The following SYT1 variants were observed in gnomAD, a reference collection of about 807,000 sequenced individuals.
SYT1 encodes the protein synaptotagmin-1.
SYT1 carries 8 observed loss-of-function variants against 44.8 expected under a neutral mutation model. That is an observed-to-expected ratio of 0.18 (90% CI 0.10 to 0.32). SYT1 has a LOEUF of 0.32. Ranked by LOEUF, SYT1 falls within the 10% of genes least tolerant of loss-of-function variation. The pLI, the probability that SYT1 is intolerant of heterozygous loss-of-function variation, is 1.00. For synonymous variants in SYT1, 154 were observed against 188.8 expected (o/e 0.82, Z 1.51); for missense variants, 286 against 509.3 (o/e 0.56, Z 4.22).
At chr12:79,002,478 A>G (rs1210853675) in intron 2 of SYT1, among the ~76,000 whole-genome samples, 1 of 151,816 alleles carries the variant, frequency 6.6e-6, no homozygotes, top group African/African-American at 2.4e-5. Flanking sequence ...ATGAAGGAAA[A>G]TTTTGCTTAA....
chr12:79,267,374 G>A (rs1335769776), intron 4 of SYT1, among the ~76,000 whole-genome samples: 1 of 152,150 alleles, frequency 6.6e-6, no homozygotes, highest in African/African-American at 2.4e-5. Context: ...CTTTGCCAAA[G>A]TTGGAAAACA....
rs182552594 is a variant in SYT1 at position 78,934,748 on chromosome 12, A to G, written c.-216-43051A>G. On this transcript the variant is annotated intron_variant, in intron 1 of 10. Transcript: ENST00000261205. ...CATTTTTTTGAAAAGATACACTGAAATTTACTACACAAATAAGTCAAGGCT... is the reference window on the plus strand; with the variant it reads ...CATTTTTTTGAAAAGATACACTGAAGTTTACTACACAAATAAGTCAAGGCT... Among the ~76,000 whole-genome samples, 200 of 152,316 alleles carry G rather than the reference A, an allele frequency of 1.3e-3. 2 individuals carry two copies. The highest frequency in any genetic ancestry group is 4.6e-3 in the African/African-American group (191 of 41,560).
Position 79,375,819 on chromosome 12 carries a change from G to A in SYT1, c.928+22200G>A, listed in dbSNP as rs146994817. 5.3e-5 allele frequency among the ~76,000 whole-genome samples: 8 copies of A among 152,036 alleles called. No individual in the cohort carries two copies. In the South Asian group the frequency reaches 1.7e-3, roughly 32 times the overall value. On this transcript the variant is annotated intron_variant, in intron 9 of 10. Transcript: ENST00000261205. The stretch of plus-strand genomic sequence containing the variant: ...TCCATATAAACCAGGTACCTAGCAG[G>A]GCGCCTGACTCAAAAGTACCTGATG...
intron 1 of SYT1, among the ~76,000 whole-genome samples, chr12:78,947,306 T>A (rs1280701955): frequency 6.6e-6 from 1 of 152,164 alleles, no homozygotes; most frequent in Non-Finnish European, 1.5e-5. Context: ...TGAAAATTTT[T>A]CACTGGCAAA....
chr12:79,351,903 T>G (rs532972701), intron 8 of SYT1, among the ~76,000 whole-genome samples: 1 of 152,182 alleles, frequency 6.6e-6, no homozygotes. Context: ...AATTTAATGA[T>G]GGATCCTGTC....
chr12:78,965,970 G>A (rs925324855), intron 1 of SYT1, among the ~76,000 whole-genome samples: 19 of 151,604 alleles, frequency 1.3e-4, no homozygotes, highest in African/African-American at 4.6e-4. Flanking sequence ...TCAGCTACTC[G>A]GGAGGCTGAG....
At chr12:78,899,709 A>G (rs975406041) in intron 1 of SYT1, among the ~76,000 whole-genome samples, 2 of 152,030 alleles carry the variant, frequency 1.3e-5, no homozygotes, top group Non-Finnish European at 2.9e-5. Flanking sequence ...CAAACTTAGC[A>G]TAATTGGATT....
chr12:78,914,497 T>G (rs1876531775), intron 1 of SYT1, among the ~76,000 whole-genome samples: 2 of 91,430 alleles, frequency 2.2e-5, no homozygotes, highest in African/African-American at 1.1e-4. Flanking sequence ...TTTGTATTGA[T>G]GCACATGTTA....
chr12:79,283,607 C>T (rs1341405194), intron 4 of SYT1, among the ~76,000 whole-genome samples: 3 of 152,018 alleles, frequency 2.0e-5, no homozygotes, highest in East Asian at 3.9e-4. Context: ...CTGTCTTTCC[C>T]GCAATGAATA....
chr12:78,996,814 G>A (rs1479149567), intron 2 of SYT1, among the ~76,000 whole-genome samples: 2 of 152,234 alleles, frequency 1.3e-5, no homozygotes, highest in African/African-American at 4.8e-5. Flanking sequence ...AAGCAGCCTG[G>A]GAAATGCAGT....
chr12:79,247,800 A>G (rs1023504697), intron 4 of SYT1, among the ~76,000 whole-genome samples: 6 of 152,214 alleles, frequency 3.9e-5, no homozygotes, highest in Non-Finnish European at 8.8e-5. Context: ...ATAAGAGTTG[A>G]AAAACAGCTT....
At chr12:79,150,052 T>C (rs1870171035) in intron 3 of SYT1, among the ~76,000 whole-genome samples, 1 of 152,226 alleles carries the variant, frequency 6.6e-6, no homozygotes, top group African/African-American at 2.4e-5. Context: ...TTGTATATGT[T>C]GATGGGGTCC....
rs541058693 is a variant in SYT1, at chr12:79,451,065, A to G, written c.*1941A>G. The G allele has an allele frequency of 6.6e-6, 1 of 152,352 alleles. No individual in the cohort carries two copies. The highest frequency in any genetic ancestry group is 1.9e-4 in the East Asian group (1 of 5,188). The allele number at this position is 152,352 out of a possible 1,614,324, so 9.4% of individuals were successfully genotyped here. On this transcript the variant is annotated 3_prime_UTR_variant, in exon 11 of 11. Transcript: ENST00000261205. ...CACCACGTCTTTTCAAAAACTAAAGAGAATTCAAAAAGGGCTGATGGTAGG... is the reference window on the plus strand; with the variant it reads ...CACCACGTCTTTTCAAAAACTAAAGGGAATTCAAAAAGGGCTGATGGTAGG...
At chr12:79,000,605 A>G (rs1363721813) in intron 2 of SYT1, among the ~76,000 whole-genome samples, 1 of 151,898 alleles carries the variant, frequency 6.6e-6, no homozygotes, top group African/African-American at 2.4e-5. Flanking sequence ...GGCCACCTTA[A>G]CTTCTTCTTA....
chr12:79,409,563 C>T (rs1868342588), intron 9 of SYT1, among the ~76,000 whole-genome samples: 1 of 152,000 alleles, frequency 6.6e-6, no homozygotes, highest in Admixed American at 6.6e-5. Context: ...ACCTGAATGG[C>T]CTAGAGGTAG....
intron 4 of SYT1, among the ~76,000 whole-genome samples, chr12:79,224,753 TA>T (rs1294987589): frequency 3.3e-4 from 2 of 6,138 alleles, no homozygotes; most frequent in Non-Finnish European, 5.4e-4. Context: ...ATTTATTTTT[TA>T]TTATTATTAT....
At chr12:79,303,385 C>T (rs1415688452) in intron 8 of SYT1, among the ~76,000 whole-genome samples, 2 of 151,722 alleles carry the variant, frequency 1.3e-5, no homozygotes, top group Non-Finnish European at 2.9e-5. Flanking sequence ...GAATAGATAG[C>T]ACCAGAAAAA....
At chr12:79,368,852 T>C (rs1213105903) in intron 9 of SYT1, among the ~76,000 whole-genome samples, 2 of 152,250 alleles carry the variant, frequency 1.3e-5, no homozygotes, top group Non-Finnish European at 2.9e-5. Context: ...GTAGGTTGCC[T>C]GTTCACTCTG....
At chr12:79,417,506 A>G (rs17041667) in intron 9 of SYT1, among the ~76,000 whole-genome samples, 21,061 of 151,956 alleles carry the variant, frequency 0.14, 1,913 homozygotes, top group Middle Eastern at 0.34. Flanking sequence ...TGACGTTACT[A>G]CCAATGGCCT....
Sources: allele counts gnomAD v4.1 joint callset (sites outside exome capture counted in the v4.1 genomes callset), GRCh38; gene constraint gnomAD v4.1.1; transcripts MANE v1.5; gene names NCBI Gene and HGNC (gene_info 2026-07-23, HGNC 2026-07-21).